The following HTR1F variants were observed in gnomAD, a reference collection of about 807,000 sequenced individuals.
HTR1F encodes 5-hydroxytryptamine receptor 1F.
HTR1F carries 17 observed loss-of-function variants against 24.0 expected under a neutral mutation model. That is an observed-to-expected ratio of 0.71 (90% CI 0.48 to 1.06). The LOEUF (loss-of-function observed/expected upper bound fraction) is 1.06. Among genes scored for constraint, HTR1F ranks in the 50% least tolerant of loss-of-function variants. HTR1F has a pLI of 0.00. For synonymous variants in HTR1F, 186 were observed against 156.8 expected, an observed-to-expected ratio of 1.19 and a Z score of -1.39; for missense variants, 391 against 427.8, an observed-to-expected ratio of 0.91 and a Z score of 0.76.
At chr3:87,989,101 T>C (rs1179300268) in intron 2 of HTR1F, among the ~76,000 whole-genome samples, 1 of 152,190 alleles carries the variant, frequency 6.6e-6, no homozygotes, top group Non-Finnish European at 1.5e-5. Flanking sequence ...TATTAGTAAC[T>C]ACTAAAAAGT....
intron 2 of HTR1F, among the ~76,000 whole-genome samples, chr3:87,878,341 A>G (rs1443448687): frequency 1.3e-5 from 2 of 152,302 alleles, no homozygotes; most frequent in South Asian, 2.1e-4. Context: ...TCCCAGAAGA[A>G]GCCTGGTAGA....
chr3:87,974,110 G>A lies in HTR1F; in HGVS notation c.-42-16598G>A, dbSNP rs768760271. 2.6e-5 allele frequency among the ~76,000 whole-genome samples: 4 copies of A among 152,174 alleles called. No individual in the cohort carries two copies. In the South Asian group the frequency reaches 6.2e-4, roughly 24 times the overall value. On this transcript the variant is annotated intron_variant, in intron 2 of 2. Transcript: ENST00000319595. ...TGCTGAAACCTCGTCTGCTCAGCAGGCAACCAGGGAAACTAATTTCCATGC... is the reference window on the plus strand; with the variant it reads ...TGCTGAAACCTCGTCTGCTCAGCAGACAACCAGGGAAACTAATTTCCATGC...
At position 87,991,032 on chromosome 3, in the gene HTR1F, G is replaced by C. The variant is rs759494527; in HGVS notation, c.283G>C (p.Val95Leu). ...AGAGAGCTGGATTATGGGGCAAGTGGTCTGTGACATTTGGCTGAGTGTTGA... is the reference window on the plus strand; with the variant it reads ...AGAGAGCTGGATTATGGGGCAAGTGCTCTGTGACATTTGGCTGAGTGTTGA... ...VRESWIMGQV[V>L]CDIWLSVDIT... Residue 95 changes from valine (V) to leucine (L), a missense_variant, in exon 3 of 3, where the codon GTC (valine) becomes CTC (leucine). Physicochemically the swap from Val to Leu is conservative, Grantham distance 32. Transcript: ENST00000319595. 1 of 1,613,956 alleles carries C rather than the reference G, an allele frequency of 6.2e-7. No homozygotes were observed. Among genetic ancestry groups the C allele is most frequent in the Non-Finnish European group, 8.5e-7 (1 of 1,180,034 alleles).
chr3:87,916,309 GAA>G (rs34801984), intron 2 of HTR1F, among the ~76,000 whole-genome samples: 1,423 of 111,042 alleles, frequency 0.013, 26 homozygotes, highest in African/African-American at 0.039. Context: ...AAGCAAAAAA[GAA>G]AAAAAAAAAA....
chr3:87,950,199 C>T (rs1704802330), intron 2 of HTR1F, among the ~76,000 whole-genome samples: 1 of 152,174 alleles, frequency 6.6e-6, no homozygotes, highest in African/African-American at 2.4e-5. Flanking sequence ...GAGATCTGCC[C>T]ACATGACCCA....
chr3:87,960,257 C>G (rs1333891151), intron 2 of HTR1F, among the ~76,000 whole-genome samples: 1 of 151,902 alleles, frequency 6.6e-6, no homozygotes, highest in Non-Finnish European at 1.5e-5. Flanking sequence ...TTCATTTACC[C>G]CTGTGAGTGG....
chr3:87,976,895 G>A (rs889502080), intron 2 of HTR1F, among the ~76,000 whole-genome samples: 16 of 152,136 alleles, frequency 1.1e-4, no homozygotes, highest in African/African-American at 3.6e-4. Flanking sequence ...TGTCACTATG[G>A]TGTGAAGTAT....
At chr3:87,822,210 C>A (rs1440684033) in intron 2 of HTR1F, among the ~76,000 whole-genome samples, 86 bp downstream of exon 2, 1 of 151,838 alleles carries the variant, frequency 6.6e-6, no homozygotes, top group Non-Finnish European at 1.5e-5. Flanking sequence ...GAACGTAATG[C>A]AAAATGGACA....
chr3:87,937,292 C>A (rs1704448414), intron 2 of HTR1F, among the ~76,000 whole-genome samples: 1 of 152,034 alleles, frequency 6.6e-6, no homozygotes, highest in African/African-American at 2.4e-5. Context: ...AGGCTTCATC[C>A]CAGGGATGCA....
rs1260129554 is a variant in HTR1F, at chr3:87,971,843, C to CT, written c.-42-18862dup. 2.0e-5 allele frequency among the ~76,000 whole-genome samples: 3 copies of CT among 152,088 alleles called. No individual in the cohort carries two copies. In the East Asian group the frequency reaches 5.8e-4, roughly 29 times the overall value. On this transcript the variant is annotated intron_variant, in intron 2 of 2. Coordinates refer to ENST00000319595, the MANE Select transcript of HTR1F (RefSeq NM_001322209.2). ...TTTCATATCAAAATATAAAGAGCTG[C>CT]TTTGTTCATTTTATGTATATACAAT...
intron 2 of HTR1F, among the ~76,000 whole-genome samples, chr3:87,910,749 G>A (rs573877738): frequency 1.6e-4 from 25 of 151,964 alleles, no homozygotes; most frequent in African/African-American, 5.5e-4. Context: ...AAATTCAAAA[G>A]AACAGAAATC....
intron 2 of HTR1F, among the ~76,000 whole-genome samples, chr3:87,957,002 A>G (rs1704958746): frequency 3.3e-5 from 5 of 151,258 alleles, no homozygotes; most frequent in Admixed American, 3.3e-4. Flanking sequence ...GCTGAATAGA[A>G]ATGGTAAAAG....
rs1360993007 is a variant in HTR1F, at chr3:87,992,327, A to G, written c.*477A>G. ...CTGTCTCCATTCTTGTCCCTTCTCC[A>G]TCTTACCCTGAGCAAAAGGGAGGGG... is the stretch of plus-strand genomic sequence containing the variant. On this transcript the variant is annotated 3_prime_UTR_variant, in exon 3 of 3. Transcript: ENST00000319595. 4.2e-5 allele frequency: 7 copies of G among 167,000 alleles called. No individual in the cohort carries two copies. Among genetic ancestry groups the G allele is most frequent in the Non-Finnish European group, 1.0e-4 (7 of 68,094 alleles). The allele number at this position is 167,000 out of a possible 1,614,324, so 10.3% of individuals were successfully genotyped here.
intron 2 of HTR1F, among the ~76,000 whole-genome samples, chr3:87,836,876 T>C (rs1161733406): frequency 7.5e-6 from 1 of 134,076 alleles, no homozygotes; most frequent in African/African-American, 3.7e-5. Flanking sequence ...TATCCTTAGT[T>C]CCACAATTAT....
chr3:87,862,688 TA>T lies in HTR1F; in HGVS notation c.-43+40566del, dbSNP rs1381457354. Among the ~76,000 whole-genome samples the T allele has an allele frequency of 2.6e-5, 4 of 152,228 alleles. No homozygotes were observed. In the East Asian group the frequency reaches 7.7e-4, roughly 29 times the overall value. On this transcript the variant is annotated intron_variant, in intron 2 of 2. Coordinates refer to ENST00000319595, the MANE Select transcript of HTR1F (RefSeq NM_001322209.2). ...AGTTTCTCCTGACTTCCGCTGTCTC[TA>T]ATGAAAAGTCTGCAATCATTGAAAT...
At chr3:87,818,526 T>C (rs964785095) in intron 1 of HTR1F, among the ~76,000 whole-genome samples, 1 of 152,130 alleles carries the variant, frequency 6.6e-6, no homozygotes, top group African/African-American at 2.4e-5. Flanking sequence ...AACCGAAATG[T>C]CATCCTAGGT....
intron 2 of HTR1F, among the ~76,000 whole-genome samples, chr3:87,933,177 T>G (rs1345182320): frequency 6.6e-6 from 1 of 152,106 alleles, no homozygotes; most frequent in African/African-American, 2.4e-5. Context: ...AAACTCTCAA[T>G]AAATTAGGTA....
At chr3:87,833,636 C>T (rs1035736942) in intron 2 of HTR1F, among the ~76,000 whole-genome samples, 11 of 152,056 alleles carry the variant, frequency 7.2e-5, no homozygotes, top group African/African-American at 2.7e-4. Flanking sequence ...CAAGTAGCTA[C>T]CACACCTGGC....
In HTR1F at chr3:87,878,957, C is replaced by T. The variant is rs186135102; in HGVS notation, c.-43+56833C>T. On this transcript the variant is annotated intron_variant, in intron 2 of 2. Transcript: ENST00000319595. ...CTTTCAGCAGAAATTATGTAATTAA[C>T]ACCTAAATAACTGTTATGTATATGT... Among the ~76,000 whole-genome samples, 136 of 152,178 alleles carry T rather than the reference C, an allele frequency of 8.9e-4. 2 individuals carry two copies. Among genetic ancestry groups the T allele is most frequent in the African/African-American group, 3.2e-3 (131 of 41,534 alleles).
Sources: gnomAD v4.1 joint callset for allele counts (sites outside exome capture counted in the v4.1 genomes callset) on GRCh38, gnomAD v4.1.1 for gene constraint, MANE v1.5 for transcripts, NCBI Gene and HGNC (gene_info 2026-07-23, HGNC 2026-07-21) for gene names.